The following DZANK1 variants were observed in gnomAD, a reference collection of about 807,000 sequenced individuals.
The protein encoded by DZANK1 is double zinc ribbon and ankyrin repeat-containing protein 1.
In DZANK1, 91 loss-of-function variants were observed where a neutral mutation model predicts 94.5. The observed-to-expected ratio is 0.96, with a 90% CI of 0.81 to 1.15. The LOEUF is 1.15. Ranked by LOEUF, DZANK1 falls within the 50% of genes most tolerant of loss-of-function variation. The pLI is 0.00. For synonymous variants in DZANK1, 312 were observed against 325.3 expected, an observed-to-expected ratio of 0.96 and a Z score of 0.44; for missense variants, 903 against 916.4, an observed-to-expected ratio of 0.99 and a Z score of 0.19.
At chr20:18,450,077 C>CATAT (rs1432914362) in intron 6 of DZANK1, among the ~76,000 whole-genome samples, 1 of 149,090 alleles carries the variant, frequency 6.7e-6, no homozygotes, top group African/African-American at 2.5e-5. Context: ...AACTCCGTCT[C>CATAT]AAATAAATAA....
At chr20:18,393,141 G>A (rs1444204304) in intron 17 of DZANK1, among the ~76,000 whole-genome samples, 2 of 152,212 alleles carry the variant, frequency 1.3e-5, no homozygotes, top group African/African-American at 4.8e-5. Flanking sequence ...GACAGACACA[G>A]GGGAGGGTGT....
intron 15 of DZANK1, 135 bp downstream of exon 15, chr20:18,396,337 T>C (rs2056340497): frequency 3.1e-6 from 2 of 649,744 alleles, no homozygotes; most frequent in Non-Finnish European, 5.3e-6. Context: ...TTCTATGAAA[T>C]TGCTTGCCTC....
chr20:18,445,106 C>T (rs1008231205), intron 7 of DZANK1, among the ~76,000 whole-genome samples: 38 of 152,078 alleles, frequency 2.5e-4, no homozygotes, highest in African/African-American at 8.5e-4. Context: ...CGCGCCCGGC[C>T]AGAAACCAAC....
chr20:18,451,393 T>C (rs1048230954), intron 6 of DZANK1, among the ~76,000 whole-genome samples: 1 of 152,230 alleles, frequency 6.6e-6, no homozygotes, highest in African/African-American at 2.4e-5. Context: ...TTGGTTTCCA[T>C]GGCAACATAT....
exon 21 of DZANK1, chr20:18,384,520 G>A: frequency 1.2e-6 from 2 of 1,610,916 alleles, no homozygotes; most frequent in Non-Finnish European, 1.7e-6. Flanking sequence ...CAGGTCGTAT[G>A]CTGTCTGGCC....
At chr20:18,457,849 G>T (rs911687850) in intron 3 of DZANK1, among the ~76,000 whole-genome samples, 1 of 152,144 alleles carries the variant, frequency 6.6e-6, no homozygotes, top group Non-Finnish European at 1.5e-5. Flanking sequence ...TAAAAATCAT[G>T]GGCCCTATTA....
intron 15 of DZANK1, among the ~76,000 whole-genome samples, chr20:18,396,226 A>T (rs1244162267): frequency 2.0e-5 from 3 of 152,232 alleles, no homozygotes; most frequent in Non-Finnish European, 4.4e-5. Flanking sequence ...CAGACATGCC[A>T]TCAGACTTCA....
rs139659439 is a variant in DZANK1 at position 18,446,442 on chromosome 20, C to T, written c.629+2542G>A. On this transcript the variant is annotated intron_variant, in intron 7 of 20. Transcript: ENST00000262547. ...CAAGGATAATTAGAAACTGTTTGAA[C>T]TGAATGAAGATGAAAACACAACATA... Among the ~76,000 whole-genome samples the T allele has an allele frequency of 6.9e-3, 1,053 of 152,260 alleles. 9 individuals are homozygous for T. Among genetic ancestry groups the T allele is most frequent in the Non-Finnish European group, 9.4e-3 (636 of 68,010 alleles).
Position 18,453,754 on chromosome 20 carries a change from T to C in DZANK1, c.452A>G (p.Asn151Ser), listed in dbSNP as rs1004035663. 3.7e-6 allele frequency: 6 copies of C among 1,612,608 alleles called. No individual in the cohort carries two copies. The African/African-American group carries it at 6.7e-5, about 18-fold the overall frequency. Residue 151 changes from asparagine (N) to serine (S), a missense_variant, in exon 5 of 21, where the codon AAT becomes AGT. By Grantham distance (46) the Asn-to-Ser change is conservative. Transcript: ENST00000262547. ...ACCTGGAAACTTTCTAAGGTTAACA[T>C]TCCAGCTGCGTTGATTTTCAGAGTT... is the stretch of plus-strand genomic sequence containing the variant.
rs771370017 is a variant in DZANK1 at position 18,385,076 on chromosome 20, G to A, written c.2033C>T (p.Ala678Val). 10 of 1,553,070 alleles carry A rather than the reference G, an allele frequency of 6.4e-6. No individual in the cohort carries two copies. In the South Asian group the frequency reaches 9.5e-5, roughly 15 times the overall value. Residue 678 changes from alanine (A) to valine (V), a missense_variant, in exon 20 of 21, where the codon GCT becomes GTT. Physicochemically the swap from Ala to Val is moderately conservative, Grantham distance 64. Coordinates refer to ENST00000262547, the Ensembl canonical transcript of DZANK1. ...GCCAAGCAGAGTTGCTTCATGAAGA[G>A]CTGTATTTCTGAGCCTAATGAGGGG...
intron 3 of DZANK1, 136 bp downstream of exon 3, chr20:18,460,017 C>G: frequency 1.6e-6 from 1 of 638,906 alleles, no homozygotes. Flanking sequence ...ATGTTACATA[C>G]ATATGCTGAA....
intron 13 of DZANK1, among the ~76,000 whole-genome samples, chr20:18,401,088 C>A (rs558595645): frequency 2.2e-4 from 34 of 152,206 alleles, no homozygotes; most frequent in African/African-American, 7.7e-4. Flanking sequence ...AGGCACCCAC[C>A]ACCACACCTG....
At position 18,455,374 on chromosome 20, in the gene DZANK1, A is replaced by T. The variant is rs1445492462; in HGVS notation, c.264-13T>A. ...CTGTCTGCAGTCTCTGAAAATTATT[A>T]TTAAGAAAGGAAAAAGTCTGTGTTA... On this transcript the variant is annotated splice_polypyrimidine_tract_variant and intron_variant, in intron 3 of 20. Transcript: ENST00000262547. The T allele has an allele frequency of 3.2e-6, 5 of 1,560,248 alleles. No homozygotes were observed. Among genetic ancestry groups the T allele is most frequent in the Non-Finnish European group, 3.5e-6 (4 of 1,147,636 alleles).
chr20:18,398,344 T>C (rs1479491991), intron 14 of DZANK1, 179 bp downstream of exon 14: 4 of 590,632 alleles, frequency 6.8e-6, no homozygotes, highest in Non-Finnish European at 1.2e-5. Flanking sequence ...TGAGACAATA[T>C]TCATGTGCAA....
At chr20:18,458,366 T>C (rs186512784) in intron 3 of DZANK1, among the ~76,000 whole-genome samples, 8 of 152,322 alleles carry the variant, frequency 5.3e-5, no homozygotes, top group African/African-American at 1.9e-4. Context: ...CTCCAGCCAG[T>C]GAACATGCAA....
chr20:18,427,160 C>T lies in DZANK1; in HGVS notation c.862-1G>A, dbSNP rs6111953. 6.2e-7 allele frequency: 1 copy of T among 1,610,766 alleles called. No homozygotes were observed. The highest frequency in any genetic ancestry group is 8.5e-7 in the Non-Finnish European group (1 of 1,177,864). ...CACAGGCCCGGCAAATTACCTTCTC[C>T]TTAACAACAAAAAATAAGACATACA... On this transcript the variant is annotated splice_acceptor_variant, in intron 9 of 20. Transcript: ENST00000262547. LOFTEE classifies it high-confidence loss of function.
chr20:18,412,941 A>G, intron 12 of DZANK1, 88 bp from the exon 13 acceptor site: 1 of 1,217,202 alleles, frequency 8.2e-7, no homozygotes, highest in Non-Finnish European at 1.1e-6. Context: ...TCTAATCAGA[A>G]TAAAAAGTAT....
intron 10 of DZANK1, among the ~76,000 whole-genome samples, chr20:18,426,031 AGTAC>A (rs2058024951): frequency 6.6e-6 from 1 of 152,168 alleles, no homozygotes; most frequent in Non-Finnish European, 1.5e-5. Flanking sequence ...TTAGGAAACT[AGTAC>A]ACACCCATTT....
chr20:18,383,563 ATT>A (rs957296082), exon 21 of DZANK1: 8 of 152,342 alleles, frequency 5.3e-5, no homozygotes, highest in African/African-American at 1.7e-4. Flanking sequence ...GTTTGCTACC[ATT>A]TGTTTTAAAA....
Sources: gnomAD v4.1 joint callset for allele counts (sites outside exome capture counted in the v4.1 genomes callset) on GRCh38, gnomAD v4.1.1 for gene constraint, MANE v1.5 for transcripts, NCBI Gene and HGNC (gene_info 2026-07-23, HGNC 2026-07-21) for gene names.